The following CRTC3 variants were observed in gnomAD, a reference collection of about 807,000 sequenced individuals.
CRTC3 encodes CREB regulated transcription coactivator 3.
A neutral mutation model predicts 74.5 loss-of-function variants in CRTC3; 26 were observed. The ratio of observed to expected loss-of-function variants is 0.35; its 90% CI spans 0.26 to 0.48. The LOEUF (loss-of-function observed/expected upper bound fraction) is 0.48. Ranked by LOEUF, CRTC3 falls within the 20% of genes least tolerant of loss-of-function variation. The pLI is 0.99. For missense variants in CRTC3, 760 were observed against 787.3 expected (o/e 0.97, Z 0.41); for synonymous variants, 377 against 325.8 (o/e 1.16, Z -1.69).
intron 3 of CRTC3, among the ~76,000 whole-genome samples, chr15:90,601,976 T>G (rs1433230887): frequency 6.6e-6 from 1 of 151,990 alleles, no homozygotes; most frequent in Non-Finnish European, 1.5e-5. Context: ...GGGGGTGAGG[T>G]ACCTAGACTA....
intron 2 of CRTC3, among the ~76,000 whole-genome samples, chr15:90,564,824 G>A (rs921581728): frequency 1.4e-4 from 22 of 152,220 alleles, no homozygotes; most frequent in African/African-American, 5.3e-4. Flanking sequence ...AATGGATAGA[G>A]TATGGACTCA....
intron 2 of CRTC3, among the ~76,000 whole-genome samples, chr15:90,558,383 C>G (rs927916300): frequency 2.6e-5 from 4 of 152,100 alleles, no homozygotes; most frequent in Non-Finnish European, 5.9e-5. Flanking sequence ...AGTCCTCCAG[C>G]GGCTTCCCGT....
chr15:90,539,280 A>C (rs1056187641), intron 1 of CRTC3, among the ~76,000 whole-genome samples: 1 of 152,236 alleles, frequency 6.6e-6, no homozygotes, highest in African/African-American at 2.4e-5. Context: ...AAATGAAGTA[A>C]GGAAGAACTT....
At chr15:90,630,312 C>G (rs1272582706) in intron 11 of CRTC3, among the ~76,000 whole-genome samples, 11 of 152,216 alleles carry the variant, frequency 7.2e-5, no homozygotes, top group African/African-American at 2.7e-4. Flanking sequence ...AATTAGACCT[C>G]TTCCCTAATT....
chr15:90,578,232 C>T (rs1466124635), intron 2 of CRTC3, among the ~76,000 whole-genome samples: 2 of 152,002 alleles, frequency 1.3e-5, no homozygotes, highest in Non-Finnish European at 2.9e-5. Context: ...TATTTATTAC[C>T]ACTGAACTGT....
At chr15:90,543,691 A>G (rs1397298333) in intron 2 of CRTC3, among the ~76,000 whole-genome samples, 2 of 152,144 alleles carry the variant, frequency 1.3e-5, no homozygotes, top group African/African-American at 4.8e-5. Flanking sequence ...AACTGAGGAG[A>G]GTCCCAGAGC....
chr15:90,546,769 C>A (rs1178819246), intron 2 of CRTC3, among the ~76,000 whole-genome samples: 1 of 152,172 alleles, frequency 6.6e-6, no homozygotes, highest in Non-Finnish European at 1.5e-5. Context: ...ACTACAGGTG[C>A]CCGCCACCAC....
chr15:90,574,664 G>C (rs545062193), intron 2 of CRTC3, among the ~76,000 whole-genome samples: 1 of 152,230 alleles, frequency 6.6e-6, no homozygotes, highest in South Asian at 2.1e-4. Flanking sequence ...ATTCCTCTCT[G>C]CTGTATATGA....
rs375335188 is a variant in CRTC3, at chr15:90,629,256, C to T, written c.990C>T (p.Asn330=). 12 of 1,613,516 alleles carry T rather than the reference C, an allele frequency of 7.4e-6. No homozygotes were observed. The Admixed American group carries it at 1.5e-4, about 20-fold the overall frequency. ...CAGGTCTCCAGAGTTCTCGGAGTAA[C>T]CCCTCCATCCAAGCCACGCTCAATA... ...SSSGLQSSRS[N]PSIQATLNKT... is the part of the protein sequence containing the mutation. Residue 330 remains asparagine (N), a synonymous_variant, in exon 11 of 15, where the codon AAC becomes AAT. Coordinates refer to ENST00000268184, the MANE Select transcript of CRTC3 (RefSeq NM_022769.5).
intron 9 of CRTC3, among the ~76,000 whole-genome samples, chr15:90,622,883 T>C (rs570467189): frequency 1.6e-4 from 24 of 152,086 alleles, no homozygotes; most frequent in African/African-American, 5.8e-4. Flanking sequence ...AAAGACAAAA[T>C]TTATATTCAG....
chr15:90,534,819 C>G (rs181733026), intron 1 of CRTC3, among the ~76,000 whole-genome samples: 1 of 152,240 alleles, frequency 6.6e-6, no homozygotes, highest in East Asian at 1.9e-4. Context: ...CACTTAGATT[C>G]CCTGCTTGGC....
chr15:90,621,765 G>C (rs1257700953), intron 9 of CRTC3, among the ~76,000 whole-genome samples: 1 of 152,176 alleles, frequency 6.6e-6, no homozygotes, highest in Non-Finnish European at 1.5e-5. Flanking sequence ...TTTAAAGCAG[G>C]TGTTTCTTAG....
intron 5 of CRTC3, 58 bp downstream of exon 5, chr15:90,604,505 T>C: frequency 7.8e-7 from 1 of 1,278,972 alleles, no homozygotes; most frequent in Non-Finnish European, 1.1e-6. Flanking sequence ...TGTCCTGATA[T>C]TTTTTACATA....
intron 11 of CRTC3, among the ~76,000 whole-genome samples, chr15:90,636,227 G>C (rs1279917472): frequency 6.6e-6 from 1 of 151,932 alleles, no homozygotes; most frequent in Non-Finnish European, 1.5e-5. Context: ...CAATGGAACA[G>C]AACAGAGCCC....
At chr15:90,571,469 A>G (rs1967263145) in intron 2 of CRTC3, among the ~76,000 whole-genome samples, 1 of 152,204 alleles carries the variant, frequency 6.6e-6, no homozygotes. Flanking sequence ...TAGATTGAGC[A>G]TGAGAAGGGA....
At chr15:90,621,673 C>T (rs1968657253) in intron 9 of CRTC3, among the ~76,000 whole-genome samples, 1 of 152,098 alleles carries the variant, frequency 6.6e-6, no homozygotes, top group Non-Finnish European at 1.5e-5. Flanking sequence ...CCAGGTTGGT[C>T]TTGAACTCCT....
intron 14 of CRTC3, among the ~76,000 whole-genome samples, chr15:90,641,486 A>C (rs1408032244): frequency 6.6e-6 from 1 of 152,000 alleles, no homozygotes. Context: ...TCATCAGGTC[A>C]GGAGATCGAG....
At chr15:90,551,648 G>A (rs2151061616) in intron 2 of CRTC3, among the ~76,000 whole-genome samples, 1 of 152,090 alleles carries the variant, frequency 6.6e-6, no homozygotes, top group Middle Eastern at 3.4e-3. Context: ...AAGAGCCCAG[G>A]GCTTTAAGGT....
At chr15:90,542,701 C>A (rs1056635756) in intron 2 of CRTC3, among the ~76,000 whole-genome samples, 4 of 152,210 alleles carry the variant, frequency 2.6e-5, no homozygotes, top group Admixed American at 2.6e-4. Context: ...GGATTCAGTT[C>A]AGAATCACAT....
Sources: gnomAD v4.1 joint callset for allele counts (sites outside exome capture counted in the v4.1 genomes callset) on GRCh38, gnomAD v4.1.1 for gene constraint, MANE v1.5 for transcripts, NCBI Gene and HGNC (gene_info 2026-07-23, HGNC 2026-07-21) for gene names.